Variants in KIAA1671 observed in about 807,000 individuals in gnomAD.
KIAA1671 encodes uncharacterized protein KIAA1671.
In KIAA1671, 52 loss-of-function variants were observed where a neutral mutation model predicts 131.2. That is an observed-to-expected ratio of 0.40 (90% CI 0.32 to 0.50). The LOEUF (loss-of-function observed/expected upper bound fraction) is 0.50. Among genes scored for constraint, KIAA1671 ranks in the 20% least tolerant of loss-of-function variants. KIAA1671 has a pLI of 0.73. For missense variants in KIAA1671, 2,360 were observed against 2,364.2 expected, an observed-to-expected ratio of 1.00 and a Z score of 0.04; for synonymous variants, 1,003 against 961.6, an observed-to-expected ratio of 1.04 and a Z score of -0.80.
At chr22:25,139,461 C>T (rs951906299) in intron 6 of KIAA1671, among the ~76,000 whole-genome samples, 1 of 152,218 alleles carries the variant, frequency 6.6e-6, no homozygotes, top group African/African-American at 2.4e-5. Context: ...GAGTAAATCA[C>T]GTGGCCTCTC....
chr22:25,160,470 T>G (rs889817291), intron 6 of KIAA1671, among the ~76,000 whole-genome samples: 12 of 152,324 alleles, frequency 7.9e-5, no homozygotes, highest in African/African-American at 2.9e-4. Flanking sequence ...TCGGTCTTGC[T>G]CCCATCTCTG....
intron 12 of KIAA1671, among the ~76,000 whole-genome samples, chr22:25,191,145 CTTTTTTTTT>C (rs142339652): frequency 3.1e-5 from 4 of 129,072 alleles, no homozygotes; most frequent in Non-Finnish European, 6.5e-5. Flanking sequence ...GAAATGGTTA[CTTTTTTTTT>C]TTTTTTTTTT....
intron 11 of KIAA1671, among the ~76,000 whole-genome samples, chr22:25,188,818 G>T (rs910112636): frequency 2.0e-5 from 3 of 152,184 alleles, no homozygotes; most frequent in Admixed American, 6.5e-5. Flanking sequence ...AGGCTGAGGG[G>T]GAGGTGGAAG....
chr22:25,094,210 C>T (rs997052829), intron 6 of KIAA1671, among the ~76,000 whole-genome samples: 2 of 151,954 alleles, frequency 1.3e-5, no homozygotes, highest in African/African-American at 2.4e-5. Context: ...GGTGGTTAAA[C>T]GGGAGCAGGG....
intron 6 of KIAA1671, among the ~76,000 whole-genome samples, chr22:25,160,399 T>C (rs1038672781): frequency 1.3e-5 from 2 of 152,192 alleles, no homozygotes; most frequent in African/African-American, 4.8e-5. Context: ...CCTGTTACTC[T>C]TGCCCTGTGT....
intron 6 of KIAA1671, among the ~76,000 whole-genome samples, chr22:25,096,931 G>A (rs539733000): frequency 2.0e-5 from 3 of 152,204 alleles, no homozygotes. Flanking sequence ...ATGTGTTCAC[G>A]TTGAGGCACA....
At chr22:24,990,492 C>CCA (rs1221914219) in intron 1 of KIAA1671, among the ~76,000 whole-genome samples, 1 of 152,238 alleles carries the variant, frequency 6.6e-6, no homozygotes, top group African/African-American at 2.4e-5. Context: ...TTCCCTGGCC[C>CCA]CACACACACC....
intron 6 of KIAA1671, among the ~76,000 whole-genome samples, chr22:25,085,704 C>T (rs986221037): frequency 6.0e-5 from 9 of 150,066 alleles, no homozygotes; most frequent in South Asian, 2.1e-4. Context: ...CCTCTGCCTC[C>T]GCACAGCCTG....
intron 6 of KIAA1671, among the ~76,000 whole-genome samples, chr22:25,159,377 T>TC (rs998418639): frequency 6.6e-6 from 1 of 152,056 alleles, no homozygotes; most frequent in African/African-American, 2.4e-5. Flanking sequence ...TGTAGGACCT[T>TC]CCCCGGGGTG....
At chr22:25,090,006 G>A (rs1271961637) in intron 6 of KIAA1671, among the ~76,000 whole-genome samples, 1 of 152,160 alleles carries the variant, frequency 6.6e-6, no homozygotes, top group Non-Finnish European at 1.5e-5. Flanking sequence ...AGGGTGGTGC[G>A]CTGTCAGACA....
chr22:25,179,702 C>T (rs1934198101), intron 9 of KIAA1671: 6 of 597,316 alleles, frequency 1.0e-5, no homozygotes, highest in Non-Finnish European at 1.8e-5. Flanking sequence ...TTAATTGAGG[C>T]TCTTTGAGTT....
At chr22:25,101,516 C>T (rs1234482541) in intron 6 of KIAA1671, among the ~76,000 whole-genome samples, 1 of 152,118 alleles carries the variant, frequency 6.6e-6, no homozygotes, top group East Asian at 1.9e-4. Context: ...TGATTGATTG[C>T]TCATCCCAAG....
intron 6 of KIAA1671, chr22:25,050,631 G>A (rs1927483301): frequency 6.6e-6 from 1 of 152,200 alleles, no homozygotes; most frequent in Non-Finnish European, 1.5e-5. Context: ...CCCTGGCATG[G>A]TTTGTGCTAG....
At chr22:25,055,178 A>AAT (rs1927770858) in intron 6 of KIAA1671, 2 of 149,698 alleles carry the variant, frequency 1.3e-5, no homozygotes, top group Non-Finnish European at 3.0e-5. Flanking sequence ...TTTGTTATTA[A>AAT]GACTGGAAAA....
At chr22:25,067,161 G>A (rs1928520076) in intron 6 of KIAA1671, among the ~76,000 whole-genome samples, 1 of 152,092 alleles carries the variant, frequency 6.6e-6, no homozygotes, top group South Asian at 2.1e-4. Flanking sequence ...TGGGAGATGG[G>A]GACTTGGGGG....
chr22:25,069,552 T>C (rs1928695161), intron 6 of KIAA1671, among the ~76,000 whole-genome samples: 1 of 151,892 alleles, frequency 6.6e-6, no homozygotes, highest in Non-Finnish European at 1.5e-5. Flanking sequence ...GAATCATGGC[T>C]GGGAGGCCTG....
At chr22:25,069,881 A>C (rs1037386189) in intron 6 of KIAA1671, 1 of 152,772 alleles carries the variant, frequency 6.5e-6, no homozygotes, top group Admixed American at 6.5e-5. Flanking sequence ...CACAAAACAC[A>C]CTCGTATGCA....
intron 6 of KIAA1671, chr22:25,063,078 C>T (rs1418202898): frequency 1.3e-5 from 2 of 151,920 alleles, no homozygotes; most frequent in Non-Finnish European, 2.9e-5. Flanking sequence ...AAACGGACCC[C>T]AAGAGAGGGT....
chr22:25,032,533 C>A, intron 3 of KIAA1671, 76 bp from the exon 4 acceptor site: 1 of 853,254 alleles, frequency 1.2e-6, no homozygotes, highest in Non-Finnish European at 1.9e-6. Flanking sequence ...CTTGGCCTGG[C>A]CTCCTGAGCT....
Sources: allele counts gnomAD v4.1 joint callset (sites outside exome capture counted in the v4.1 genomes callset), GRCh38; gene constraint gnomAD v4.1.1; transcripts MANE v1.5; gene names NCBI Gene and HGNC (gene_info 2026-07-23, HGNC 2026-07-21).